AGO4: variants seen among roughly 807,000 people sequenced by gnomAD.
The protein encoded by AGO4 is argonaute RISC component 4.
AGO4 carries 33 observed loss-of-function variants against 104.7 expected under a neutral mutation model. The ratio of observed to expected loss-of-function variants is 0.32; its 90% confidence interval spans 0.24 to 0.42. The LOEUF (loss-of-function observed/expected upper bound fraction) is 0.42, where lower values mean the gene tolerates loss of function less well. Among genes scored for constraint, AGO4 ranks in the 10% least tolerant of loss-of-function variants. The pLI, the probability that AGO4 is intolerant of heterozygous loss-of-function variation, is 1.00. For synonymous variants in AGO4, 331 were observed against 364.7 expected (o/e 0.91, Z 1.05); for missense variants, 711 against 1,083.4 (o/e 0.66, Z 4.83).
rs773146579 is a variant in AGO4, at chr1:35,825,856, G to A, written c.625+41G>A. On this transcript the variant is annotated intron_variant, in intron 5 of 17. Coordinates refer to ENST00000373210, the MANE Select transcript of AGO4 (RefSeq NM_017629.4). ...CTTTATCCAATAACTCTTTGGGCTG[G>A]TTTTTGTTTGTTTGTTTGTTTTGGC... The A allele has an allele frequency of 1.9e-6, 3 of 1,595,646 alleles. No homozygotes were observed. The African/African-American group carries it at 4.1e-5, about 22-fold the overall frequency.
intron 13 of AGO4, among the ~76,000 whole-genome samples, chr1:35,837,031 G>C: frequency 6.6e-6 from 1 of 152,044 alleles, no homozygotes; most frequent in Non-Finnish European, 1.5e-5. Flanking sequence ...GAGTAATGAT[G>C]TTAAGCACAT....
At chr1:35,846,918 C>T (rs1644585716) in intron 15 of AGO4, among the ~76,000 whole-genome samples, 1 of 151,876 alleles carries the variant, frequency 6.6e-6, no homozygotes, top group African/African-American at 2.4e-5. Context: ...CGTGGTGGTG[C>T]ATACCTGTAG....
At chr1:35,811,918 T>G (rs986696453) in intron 1 of AGO4, among the ~76,000 whole-genome samples, 2 of 152,136 alleles carry the variant, frequency 1.3e-5, no homozygotes, top group African/African-American at 4.8e-5. Flanking sequence ...ACCTTGAATA[T>G]ACATCATCTC....
chr1:35,853,484 A>T lies in AGO4; in HGVS notation c.2478-13A>T, dbSNP rs762386434. ...GTTTTGCTTTGTTTTGTTTTGTTTT[A>T]TTCTCTTTACAGTGCGGAAGGCAGT... On this transcript the variant is annotated splice_polypyrimidine_tract_variant and intron_variant, in intron 17 of 17. Coordinates refer to ENST00000373210, the MANE Select transcript of AGO4 (RefSeq NM_017629.4). 1 of 1,579,660 alleles carries T rather than the reference A, an allele frequency of 6.3e-7. No homozygotes were observed. The highest frequency in any genetic ancestry group is 2.3e-5 in the East Asian group (1 of 44,154).
intron 17 of AGO4, among the ~76,000 whole-genome samples, chr1:35,853,257 A>C (rs1036735941): frequency 6.6e-6 from 1 of 151,834 alleles, no homozygotes; most frequent in Non-Finnish European, 1.5e-5. Flanking sequence ...TCAAAAAAAA[A>C]AAAAAAAAAA....
intron 7 of AGO4, among the ~76,000 whole-genome samples, chr1:35,828,840 T>C (rs1644103049): frequency 6.6e-6 from 1 of 152,124 alleles, no homozygotes; most frequent in African/African-American, 2.4e-5. Context: ...ACACTTCTAA[T>C]CTACTGAAAA....
chr1:35,825,074 CATA>C (rs1237850346), intron 3 of AGO4, among the ~76,000 whole-genome samples: 1 of 152,090 alleles, frequency 6.6e-6, no homozygotes, highest in Non-Finnish European at 1.5e-5. Context: ...TTTCATTTAG[CATA>C]ATGTTTTCAA....
At chr1:35,851,150 C>A in intron 17 of AGO4, 97 bp downstream of exon 17, 1 of 1,227,234 alleles carries the variant, frequency 8.1e-7, no homozygotes, top group Non-Finnish European at 1.1e-6. Context: ...TTTAAACTTT[C>A]AGAGTTTAAA....
chr1:35,832,564 T>TACTAAAGTGAGTATC lies in AGO4; in HGVS notation c.1374_1379+9dup, dbSNP rs778523298. On this transcript the variant is annotated stop_gained and inframe_insertion, in exon 11 of 18. Coordinates refer to ENST00000373210, the MANE Select transcript of AGO4 (RefSeq NM_017629.4). LOFTEE classifies it high-confidence loss of function. The stretch of plus-strand genomic sequence containing the variant: ...CCTCAGAAACAATGTAGGGAAGATT[T>TACTAAAGTGAGTATC]ACTAAAGTGAGTATCTTCATATTTT... The TACTAAAGTGAGTATC allele has an allele frequency of 9.9e-6, 16 of 1,611,354 alleles. No homozygotes were observed. The East Asian group carries it at 1.1e-4, about 11-fold the overall frequency.
chr1:35,834,310 CT>C, intron 12 of AGO4, 136 bp downstream of exon 12: 1 of 749,246 alleles, frequency 1.3e-6, no homozygotes, highest in Non-Finnish European at 1.9e-6. Flanking sequence ...TTTCTTGCTC[CT>C]GTTATGCATC....
intron 13 of AGO4, among the ~76,000 whole-genome samples, chr1:35,839,302 A>G (rs1390094799): frequency 6.6e-6 from 1 of 152,142 alleles, no homozygotes; most frequent in Non-Finnish European, 1.5e-5. Flanking sequence ...CTCCTTAAAC[A>G]TTAGTGATGA....
At chr1:35,842,843 C>T (rs1048218531) in intron 15 of AGO4, among the ~76,000 whole-genome samples, 3 of 152,136 alleles carry the variant, frequency 2.0e-5, no homozygotes, top group Admixed American at 6.6e-5. Context: ...CTCTAATCCC[C>T]AGGCATTTCA....
chr1:35,835,543 G>A (rs1473967976), intron 12 of AGO4, among the ~76,000 whole-genome samples: 2 of 152,150 alleles, frequency 1.3e-5, no homozygotes, highest in African/African-American at 4.8e-5. Context: ...GTGGGAAGAG[G>A]AGCATCAAGG....
In AGO4 at chr1:35,841,386, G is replaced by A. The variant is rs1334541365; in HGVS notation, c.1946G>A (p.Arg649Gln). The A allele has an allele frequency of 2.5e-6, 4 of 1,614,046 alleles. No homozygotes were observed. The highest frequency in any genetic ancestry group is 1.7e-5 in the Admixed American group (1 of 60,008). Residue 649 changes from arginine to glutamine, a missense_variant, in exon 14 of 18, where the codon CGA (arginine) becomes CAA (glutamine). Transcript: ENST00000373210. This position sits in a 1 kb window ranked among gnomAD's most constrained non-coding sequence, Gnocchi z 4.7. ...EVIQDLTNMV[R>Q]ELLIQFYKST... ...ATCCAGGACCTGACTAACATGGTTC[G>A]AGAGCTGCTGATTCAGTTCTACAAA...
chr1:35,821,547 G>A (rs1029634403), intron 2 of AGO4, among the ~76,000 whole-genome samples: 3 of 151,980 alleles, frequency 2.0e-5, no homozygotes, highest in Admixed American at 6.6e-5. Context: ...TTTATTCCAC[G>A]GCCTGCATAC....
Position 35,832,130 on chromosome 1 carries a change from T to G in AGO4, c.1190T>G (p.Met397Arg), listed in dbSNP as rs1158630391. Residue 397 changes from methionine (M) to arginine (R), a missense_variant, in exon 10 of 18, where the codon ATG becomes AGG. Transcript: ENST00000373210. ...KEFGIVVHNEMTELTGRVLPA... is the reference protein window; with the variant it reads ...KEFGIVVHNERTELTGRVLPA... The stretch of plus-strand genomic sequence containing the variant: ...TTTGGTATTGTTGTCCACAATGAAA[T>G]GACAGAGCTCACAGGCAGGGTACTT... 1.2e-6 allele frequency: 2 copies of G among 1,614,168 alleles called. No individual in the cohort carries two copies. The highest frequency in any genetic ancestry group is 1.7e-6 in the Non-Finnish European group (2 of 1,180,034).
At position 35,811,470 on chromosome 1, in the gene AGO4, CAAAAA is replaced by C. The variant is rs113891635; in HGVS notation, c.19+3042_19+3046del. Among the ~76,000 whole-genome samples, 149 of 135,900 alleles carry C rather than the reference CAAAAA, an allele frequency of 1.1e-3. 1 individual carries two copies. Among genetic ancestry groups the C allele is most frequent in the African/African-American group, 3.7e-3 (141 of 37,744 alleles). The allele number at this position is 135,900 out of a possible 152,430, so 89.2% of individuals were successfully genotyped here. The stretch of plus-strand genomic sequence containing the variant: ...GAGCAAGACTCCATCCAAAAAAAAA[CAAAAA>C]AAAAAACAAAAACCAACCACCTCAG... On this transcript the variant is annotated intron_variant, in intron 1 of 17. Transcript: ENST00000373210.
chr1:35,838,435 C>A (rs1644364930), intron 13 of AGO4, among the ~76,000 whole-genome samples: 1 of 152,114 alleles, frequency 6.6e-6, no homozygotes, highest in Non-Finnish European at 1.5e-5. Flanking sequence ...GATCCTTCCA[C>A]CTTGGCCTCT....
chr1:35,841,187 G>C lies in AGO4; in HGVS notation c.1747G>C (p.Val583Leu). Residue 583 changes from valine (V) to leucine (L), a missense_variant, in exon 14 of 18, where the codon GTC becomes CTC. Coordinates refer to ENST00000373210, the MANE Select transcript of AGO4 (RefSeq NM_017629.4). This position sits in a 1 kb window ranked among gnomAD's most constrained non-coding sequence, Gnocchi z 4.7. ...CAGGCCCTCGGTGTTCCAGCAGCCT[G>C]TCATCTTCCTGGGAGCGGATGTCAC... ...HQRPSVFQQP[V>L]IFLGADVTHP... 1 of 1,610,258 alleles carries C rather than the reference G, an allele frequency of 6.2e-7. No homozygotes were observed. The highest frequency in any genetic ancestry group is 8.5e-7 in the Non-Finnish European group (1 of 1,176,678).
Sources: allele counts gnomAD v4.1 joint callset (sites outside exome capture counted in the v4.1 genomes callset), GRCh38; gene constraint gnomAD v4.1.1; non-coding constraint Gnocchi (gnomAD v3.1); transcripts MANE v1.5; gene names NCBI Gene and HGNC (gene_info 2026-07-23, HGNC 2026-07-21).